PBX3: variants seen among roughly 807,000 people sequenced by gnomAD.
PBX3 encodes pre-B-cell leukemia transcription factor 3.
PBX3 carries 14 observed loss-of-function variants against 48.5 expected under a neutral mutation model. That is an observed-to-expected ratio of 0.29 (90% confidence interval 0.19 to 0.45). The LOEUF (loss-of-function observed/expected upper bound fraction) is 0.45. PBX3 is among the 20% of genes least tolerant of loss of function. PBX3 has a pLI of 1.00. For missense variants in PBX3, 386 were observed against 546.7 expected, an observed-to-expected ratio of 0.71 and a Z score of 2.93; for synonymous variants, 210 against 200.3, an observed-to-expected ratio of 1.05 and a Z score of -0.41.
chr9:125,761,313 T>C (rs1836661003), intron 2 of PBX3, among the ~76,000 whole-genome samples: 1 of 152,264 alleles, frequency 6.6e-6, no homozygotes, highest in East Asian at 1.9e-4. Flanking sequence ...GAGTGATCTA[T>C]TGCATTTGAA....
rs538514617 is a variant in PBX3 at position 125,963,709 on chromosome 9, G to A, written c.1212+608G>A. On this transcript the variant is annotated intron_variant, in intron 8 of 8. Transcript: ENST00000373489. ...GAAGGGGGCAGGGGAGCAGGTCATC[G>A]TGGTGGTGCTGCGGGGTGTGGTGGA... Among the ~76,000 whole-genome samples, 141 of 152,226 alleles carry A rather than the reference G, an allele frequency of 9.3e-4. 1 individual carries two copies. The highest frequency in any genetic ancestry group is 1.7e-3 in the Admixed American group (26 of 15,306).
intron 5 of PBX3, among the ~76,000 whole-genome samples, chr9:125,959,423 A>G (rs1842379914): frequency 6.6e-6 from 1 of 152,212 alleles, no homozygotes; most frequent in South Asian, 2.1e-4. Context: ...AATCCCCAGG[A>G]TGGACAGCAT....
intron 2 of PBX3, among the ~76,000 whole-genome samples, chr9:125,793,128 G>A (rs1328160585): frequency 1.8e-4 from 27 of 151,378 alleles, no homozygotes; most frequent in Non-Finnish European, 2.9e-4. Flanking sequence ...CGAGGTGGGC[G>A]GATCATGAGG....
intron 2 of PBX3, among the ~76,000 whole-genome samples, chr9:125,860,858 G>A (rs1839844471): frequency 7.3e-6 from 1 of 136,196 alleles, no homozygotes; most frequent in African/African-American, 2.9e-5. Flanking sequence ...CTGTGCTCCA[G>A]CCTGGGTGAC....
intron 2 of PBX3, among the ~76,000 whole-genome samples, chr9:125,796,082 C>T (rs1397124846): frequency 2.0e-5 from 3 of 151,982 alleles, no homozygotes; most frequent in Non-Finnish European, 4.4e-5. Context: ...TCTTTATTTG[C>T]GGTTATACAA....
intron 2 of PBX3, among the ~76,000 whole-genome samples, chr9:125,780,386 A>G (rs1443032767): frequency 2.4e-4 from 23 of 95,936 alleles, no homozygotes; most frequent in South Asian, 1.8e-3. Flanking sequence ...CCTCCCTCCC[A>G]GACGGGGCGG....
chr9:125,881,475 A>G (rs1176088489), intron 2 of PBX3, among the ~76,000 whole-genome samples: 2 of 152,246 alleles, frequency 1.3e-5, no homozygotes, highest in African/African-American at 4.8e-5. Context: ...TAAAAACAAT[A>G]ATAACTCATC....
chr9:125,773,641 G>A (rs1836997982), intron 2 of PBX3, among the ~76,000 whole-genome samples: 1 of 152,176 alleles, frequency 6.6e-6, no homozygotes, highest in African/African-American at 2.4e-5. Flanking sequence ...GAAAACAAGG[G>A]CGTCTGTTTC....
At chr9:125,790,575 T>A (rs1307500256) in intron 2 of PBX3, among the ~76,000 whole-genome samples, 2 of 151,526 alleles carry the variant, frequency 1.3e-5, no homozygotes, top group Admixed American at 6.6e-5. Context: ...TATAATTTAA[T>A]TTAATTTTTT....
At chr9:125,898,014 A>G (rs1840814286) in intron 2 of PBX3, among the ~76,000 whole-genome samples, 1 of 151,656 alleles carries the variant, frequency 6.6e-6, no homozygotes, top group Admixed American at 6.6e-5. Flanking sequence ...TAAATATAGT[A>G]ATCTACACAT....
intron 2 of PBX3, among the ~76,000 whole-genome samples, chr9:125,858,848 A>C (rs1207910092): frequency 1.3e-5 from 2 of 151,650 alleles, no homozygotes; most frequent in Non-Finnish European, 2.9e-5. Flanking sequence ...CTGGTCTTGA[A>C]CTCCGGATGT....
At chr9:125,896,680 G>A (rs1022380641) in intron 2 of PBX3, among the ~76,000 whole-genome samples, 1 of 151,998 alleles carries the variant, frequency 6.6e-6, no homozygotes, top group Non-Finnish European at 1.5e-5. Context: ...GCTGTCAAGA[G>A]CCATCACACT....
chr9:125,760,613 T>A (rs2131973617), intron 2 of PBX3, among the ~76,000 whole-genome samples: 1 of 152,322 alleles, frequency 6.6e-6, no homozygotes, highest in African/African-American at 2.4e-5. Flanking sequence ...TATTTCATAG[T>A]TTTACTTGGA....
chr9:125,867,606 C>T (rs1055957545), intron 2 of PBX3, among the ~76,000 whole-genome samples: 5 of 143,132 alleles, frequency 3.5e-5, no homozygotes, highest in African/African-American at 1.0e-4. Flanking sequence ...CACCACTGCA[C>T]TCCAATCTGG....
chr9:125,905,604 GAT>G (rs1372366101), intron 2 of PBX3, among the ~76,000 whole-genome samples: 3 of 151,968 alleles, frequency 2.0e-5, no homozygotes. Context: ...GTTAATGAAA[GAT>G]ATATTGACTT....
At chr9:125,859,029 C>T in intron 2 of PBX3, among the ~76,000 whole-genome samples, 1 of 152,020 alleles carries the variant, frequency 6.6e-6, no homozygotes, top group East Asian at 1.9e-4. Context: ...CAGCTTCTGC[C>T]CATAGACAAG....
intron 2 of PBX3, among the ~76,000 whole-genome samples, chr9:125,827,484 A>G (rs1378709377): frequency 6.6e-6 from 1 of 152,086 alleles, no homozygotes; most frequent in Admixed American, 6.6e-5. Context: ...TGCTTTTACT[A>G]CACATACGTG....
chr9:125,958,186 A>G (rs746050196), intron 5 of PBX3, among the ~76,000 whole-genome samples: 4 of 147,000 alleles, frequency 2.7e-5, no homozygotes, highest in Non-Finnish European at 4.5e-5. Context: ...CCACACCTGC[A>G]TCGTCTCTGG....
chr9:125,905,868 G>A (rs972381232), intron 2 of PBX3, among the ~76,000 whole-genome samples: 1 of 151,952 alleles, frequency 6.6e-6, no homozygotes, highest in Non-Finnish European at 1.5e-5. Flanking sequence ...CTGGGAAGAT[G>A]CTCTGAAGCT....
Sources: gnomAD v4.1 joint callset for allele counts (sites outside exome capture counted in the v4.1 genomes callset) on GRCh38, gnomAD v4.1.1 for gene constraint, MANE v1.5 for transcripts, NCBI Gene and HGNC (gene_info 2026-07-23, HGNC 2026-07-21) for gene names.